Variants in PACRG observed in about 807,000 individuals in gnomAD.
The protein encoded by PACRG is parkin coregulated, also known as parkin coregulated gene protein.
A neutral mutation model predicts 29.7 loss-of-function variants in PACRG; 29 were observed. The ratio of observed to expected loss-of-function variants is 0.98; its 90% CI spans 0.73 to 1.33. The LOEUF (loss-of-function observed/expected upper bound fraction) is 1.33. Among genes scored for constraint, PACRG ranks in the 40% most tolerant of loss-of-function variants. The pLI, the probability that PACRG is intolerant of heterozygous loss-of-function variation, is 0.00. For missense variants in PACRG, 279 were observed against 316.2 expected (o/e 0.88, Z 0.89); for synonymous variants, 116 against 118.7 (o/e 0.98, Z 0.15).
chr6:163,122,836 C>T (rs553657500), intron 4 of PACRG, among the ~76,000 whole-genome samples: 158 of 152,300 alleles, frequency 1.0e-3, no homozygotes, highest in African/African-American at 3.6e-3. Context: ...GTTACCATCA[C>T]CACAACAAGG....
At chr6:162,913,010 T>C (rs1796419963) in intron 2 of PACRG, among the ~76,000 whole-genome samples, 1 of 152,164 alleles carries the variant, frequency 6.6e-6, no homozygotes, top group African/African-American at 2.4e-5. Flanking sequence ...ATTTTATGTA[T>C]ATAAAATGTT....
chr6:162,995,050 CTCAGGGG>C (rs888128833), intron 2 of PACRG, among the ~76,000 whole-genome samples: 3 of 151,402 alleles, frequency 2.0e-5, no homozygotes, highest in African/African-American at 4.9e-5. Context: ...AGTTAGGCTG[CTCAGGGG>C]TCAGGGGTCA....
chr6:163,191,231 T>C (rs777249524), intron 4 of PACRG, among the ~76,000 whole-genome samples: 1 of 151,998 alleles, frequency 6.6e-6, no homozygotes, highest in Non-Finnish European at 1.5e-5. Context: ...ATAAAAGCAA[T>C]AATTAAAAAA....
At chr6:163,052,618 T>C (rs1396612004) in intron 2 of PACRG, among the ~76,000 whole-genome samples, 1 of 152,156 alleles carries the variant, frequency 6.6e-6, no homozygotes, top group Non-Finnish European at 1.5e-5. Context: ...CCTTCCACCA[T>C]GATTATAAGT....
chr6:162,727,611 C>G, upstream of PACRG: 5 of 1,559,926 alleles, frequency 3.2e-6, no homozygotes, highest in Non-Finnish European at 2.6e-6. Flanking sequence ...TGGCGCCATA[C>G]CGGGGCGTGG....
At chr6:163,299,360 G>T (rs1181093932) in intron 4 of PACRG, among the ~76,000 whole-genome samples, 2 of 152,188 alleles carry the variant, frequency 1.3e-5, no homozygotes, top group Non-Finnish European at 2.9e-5. Context: ...TTGCTCTGGG[G>T]GTCCTTCCCA....
chr6:163,256,756 C>A lies in PACRG; in HGVS notation c.614-58071C>A, dbSNP rs201622139. ...TCACTGTGAGGACACTGACGGTGAC[C>A]CTGAGTGAGACGGGAGGTCCATGTC... On this transcript the variant is annotated intron_variant, in intron 4 of 4. Transcript: ENST00000366888. Among the ~76,000 whole-genome samples the A allele has an allele frequency of 2.0e-5, 3 of 152,160 alleles. No homozygotes were observed. The East Asian group carries it at 5.8e-4, about 29-fold the overall frequency.
intron 3 of PACRG, among the ~76,000 whole-genome samples, chr6:163,087,888 G>A (rs1294601972): frequency 1.3e-5 from 2 of 152,156 alleles, no homozygotes; most frequent in African/African-American, 4.8e-5. Context: ...AGGACCAGAG[G>A]AGTGTTGGTG....
chr6:162,739,173 G>A (rs1482524984), intron 1 of PACRG, among the ~76,000 whole-genome samples: 1 of 152,000 alleles, frequency 6.6e-6, no homozygotes, highest in East Asian at 1.9e-4. Flanking sequence ...TAAATTGTTG[G>A]TATCAGACTA....
rs1342084909 is a variant in PACRG at position 162,777,378 on chromosome 6, G to T, written c.157-36769G>T. Reference sequence around the variant, plus strand: ...CATGTGGGCACACACTCAGCTTATTGATAACATCCCTCAGACACTGCCATT... The same window carrying T: ...CATGTGGGCACACACTCAGCTTATTTATAACATCCCTCAGACACTGCCATT... On this transcript the variant is annotated intron_variant, in intron 1 of 4. Coordinates refer to ENST00000366888, the MANE Select transcript of PACRG (RefSeq NM_001080379.2). The surrounding 1 kb of genome is among the most constrained non-coding windows in gnomAD (Gnocchi z 4.0). 6.6e-6 allele frequency among the ~76,000 whole-genome samples: 1 copy of T among 152,154 alleles called. No homozygotes were observed. Among genetic ancestry groups the T allele is most frequent in the Non-Finnish European group, 1.5e-5 (1 of 68,036 alleles).
chr6:162,933,675 G>C (rs957231026), intron 2 of PACRG, among the ~76,000 whole-genome samples: 5 of 132,874 alleles, frequency 3.8e-5, no homozygotes, highest in African/African-American at 1.5e-4. Flanking sequence ...GCACACTCTT[G>C]GTTTCCATTT....
At chr6:163,215,789 G>C (rs1781337651) in intron 4 of PACRG, among the ~76,000 whole-genome samples, 1 of 152,182 alleles carries the variant, frequency 6.6e-6, no homozygotes, top group Non-Finnish European at 1.5e-5. Context: ...AGAATGACAG[G>C]AGAGACAGAA....
chr6:162,786,737 A>G (rs1017451921), intron 1 of PACRG, among the ~76,000 whole-genome samples: 3 of 150,766 alleles, frequency 2.0e-5, no homozygotes, highest in Non-Finnish European at 3.0e-5. Flanking sequence ...TTTTTTTTAC[A>G]GTAATACAAT....
intron 4 of PACRG, among the ~76,000 whole-genome samples, chr6:163,245,472 C>T (rs913112124): frequency 6.6e-6 from 1 of 152,158 alleles, no homozygotes; most frequent in Non-Finnish European, 1.5e-5. Context: ...CCGGCGTCTC[C>T]GTGACAGGTT....
intron 4 of PACRG, among the ~76,000 whole-genome samples, chr6:163,123,715 C>T (rs1002846458): frequency 2.0e-5 from 3 of 152,210 alleles, no homozygotes; most frequent in Non-Finnish European, 4.4e-5. Context: ...GTACATCTGA[C>T]TATTTTTAGA....
intron 4 of PACRG, among the ~76,000 whole-genome samples, chr6:163,102,785 A>G (rs1034891496): frequency 1.3e-5 from 2 of 151,336 alleles, no homozygotes; most frequent in Admixed American, 6.6e-5. Flanking sequence ...ATTTCCCATC[A>G]TGAGGACTGC....
chr6:162,970,571 GAATAATCGTGCCA>G (rs1801445954), intron 2 of PACRG, among the ~76,000 whole-genome samples: 1 of 152,094 alleles, frequency 6.6e-6, no homozygotes. Flanking sequence ...CCTCACCCAA[GAATAATCGTGCCA>G]AATAGATATC....
intron 2 of PACRG, among the ~76,000 whole-genome samples, chr6:162,849,262 TG>T (rs1790665730): frequency 6.6e-6 from 1 of 151,100 alleles, no homozygotes; most frequent in Non-Finnish European, 1.5e-5. Flanking sequence ...TGTAAAGGAG[TG>T]GGGAATATCA....
chr6:162,913,937 G>C (rs1227851705), intron 2 of PACRG, among the ~76,000 whole-genome samples: 2 of 151,868 alleles, frequency 1.3e-5, no homozygotes, highest in Non-Finnish European at 2.9e-5. Context: ...TTGTTTTATT[G>C]TTAAGTTGTA....
Sources: allele counts gnomAD v4.1 joint callset (sites outside exome capture counted in the v4.1 genomes callset), GRCh38; gene constraint gnomAD v4.1.1; non-coding constraint Gnocchi (gnomAD v3.1); transcripts MANE v1.5; gene names NCBI Gene and HGNC (gene_info 2026-07-23, HGNC 2026-07-21).